Variants in ASIC2 observed in about 807,000 individuals in gnomAD.
ASIC2 encodes acid sensing ion channel subunit 2.
Under a neutral mutation model 57.3 loss-of-function variants are expected in ASIC2, and 25 were observed. That is an observed-to-expected ratio of 0.44 (90% CI 0.32 to 0.61). The LOEUF (loss-of-function observed/expected upper bound fraction) is 0.61. Among genes scored for constraint, ASIC2 ranks in the 20% least tolerant of loss-of-function variants. The pLI is 0.06. For missense variants in ASIC2, 641 were observed against 738.1 expected (o/e 0.87, Z 1.52); for synonymous variants, 319 against 307.5 (o/e 1.04, Z -0.39).
At chr17:33,269,611 T>TTCCC (rs1904364486) in intron 1 of ASIC2, among the ~76,000 whole-genome samples, 2 of 113,194 alleles carry the variant, frequency 1.8e-5, no homozygotes, top group Admixed American at 8.5e-5. Context: ...TAAGGGCTCC[T>TTCCC]TCCCTTCCTT....
chr17:33,431,655 G>A (rs12450004), intron 1 of ASIC2, among the ~76,000 whole-genome samples: 111,362 of 152,042 alleles, frequency 0.73, 41,365 homozygotes, highest in Middle Eastern at 0.79. Flanking sequence ...CCATATTTTA[G>A]AGTATTGCAC....
At chr17:33,698,849 T>C (rs1354092402) in intron 1 of ASIC2, among the ~76,000 whole-genome samples, 1 of 152,078 alleles carries the variant, frequency 6.6e-6, no homozygotes, top group Non-Finnish European at 1.5e-5. Context: ...CCTGGGAGCA[T>C]GGATAGGCAA....
intron 1 of ASIC2, among the ~76,000 whole-genome samples, chr17:33,488,192 G>A (rs1913636152): frequency 6.6e-6 from 1 of 152,150 alleles, no homozygotes; most frequent in African/African-American, 2.4e-5. Context: ...GGCAGTATTA[G>A]AAACGCCGTC....
chr17:33,562,961 T>A (rs796139235), intron 1 of ASIC2, among the ~76,000 whole-genome samples: 3 of 152,282 alleles, frequency 2.0e-5, no homozygotes, highest in African/African-American at 7.2e-5. Context: ...CCACAGCCAG[T>A]TGCAGCTGCT....
intron 1 of ASIC2, among the ~76,000 whole-genome samples, chr17:33,316,772 C>A (rs150522463): frequency 6.6e-6 from 1 of 152,148 alleles, no homozygotes; most frequent in African/African-American, 2.4e-5. Flanking sequence ...CAGCAATTCA[C>A]GGTATAAAAC....
chr17:33,987,363 G>A (rs989426412), intron 1 of ASIC2, among the ~76,000 whole-genome samples: 2 of 152,154 alleles, frequency 1.3e-5, no homozygotes, highest in African/African-American at 2.4e-5. Context: ...TCTGATATAT[G>A]AGAACCCTTT....
intron 1 of ASIC2, among the ~76,000 whole-genome samples, chr17:33,934,237 G>A (rs1028728892): frequency 2.0e-5 from 3 of 152,138 alleles, no homozygotes; most frequent in South Asian, 2.1e-4. Flanking sequence ...TTAGCAATTC[G>A]GGGGCTGATT....
intron 2 of ASIC2, among the ~76,000 whole-genome samples, chr17:33,089,508 C>T (rs564430204): frequency 9.2e-5 from 14 of 152,302 alleles, no homozygotes; most frequent in Admixed American, 2.0e-4. Flanking sequence ...TTTAAGATAA[C>T]GAATTTGTGT....
At chr17:33,394,284 G>A (rs1051937079) in intron 1 of ASIC2, among the ~76,000 whole-genome samples, 1 of 152,150 alleles carries the variant, frequency 6.6e-6, no homozygotes, top group Non-Finnish European at 1.5e-5. Context: ...AGGTGAGAAT[G>A]GTGCCACAGA....
chr17:33,041,791 C>T (rs903599079), intron 3 of ASIC2, among the ~76,000 whole-genome samples: 48 of 152,312 alleles, frequency 3.2e-4, no homozygotes, highest in African/African-American at 1.1e-3. Flanking sequence ...GAGTTCAGGA[C>T]TAGCCGATGG....
chr17:33,870,632 G>C (rs187136632), intron 1 of ASIC2, among the ~76,000 whole-genome samples: 95 of 152,078 alleles, frequency 6.2e-4, no homozygotes, highest in South Asian at 1.5e-3. Flanking sequence ...GTGGGTGTGG[G>C]GAGAAAAGTC....
chr17:34,069,965 T>C (rs1248952285), intron 1 of ASIC2: 1 of 152,148 alleles, frequency 6.6e-6, no homozygotes, highest in Non-Finnish European at 1.5e-5. Flanking sequence ...TCCATGGTGA[T>C]AATCAAAATT....
intron 3 of ASIC2, among the ~76,000 whole-genome samples, chr17:33,058,091 G>A (rs2092005170): frequency 6.6e-6 from 1 of 152,150 alleles, no homozygotes. Context: ...AGCCATGAAA[G>A]TCCCTGTACC....
At chr17:33,660,896 C>T (rs1479991604) in intron 1 of ASIC2, among the ~76,000 whole-genome samples, 2 of 152,204 alleles carry the variant, frequency 1.3e-5, no homozygotes, top group Non-Finnish European at 2.9e-5. Context: ...CTTCTCAGCC[C>T]ACAAGCCCAC....
chr17:34,041,341 A>C (rs1908125364), intron 1 of ASIC2: 1 of 152,200 alleles, frequency 6.6e-6, no homozygotes, highest in South Asian at 2.1e-4. Context: ...AACAGTCTTG[A>C]ATCATGACAA....
At chr17:33,455,200 CTTTTA>C (rs1912406465) in intron 1 of ASIC2, among the ~76,000 whole-genome samples, 1 of 152,068 alleles carries the variant, frequency 6.6e-6, no homozygotes, top group South Asian at 2.1e-4. Context: ...ATTTTTCCAA[CTTTTA>C]TTTTAGACTC....
chr17:33,508,404 G>C (rs1270499307), intron 1 of ASIC2, among the ~76,000 whole-genome samples: 1 of 152,194 alleles, frequency 6.6e-6, no homozygotes, highest in Non-Finnish European at 1.5e-5. Context: ...TGTGTGGGCA[G>C]TGTGACAGCG....
chr17:33,701,094 T>A (rs1389320533), intron 1 of ASIC2, among the ~76,000 whole-genome samples: 1 of 152,120 alleles, frequency 6.6e-6, no homozygotes, highest in Non-Finnish European at 1.5e-5. Context: ...CCCAAAGAGA[T>A]CAGTCTACTC....
At chr17:33,153,602 T>C (rs1904883398) in intron 1 of ASIC2, among the ~76,000 whole-genome samples, 1 of 152,180 alleles carries the variant, frequency 6.6e-6, no homozygotes, top group South Asian at 2.1e-4. Flanking sequence ...TTTTGCAGGG[T>C]TTATGCTTTC....
Sources: allele counts gnomAD v4.1 joint callset (sites outside exome capture counted in the v4.1 genomes callset), GRCh38; gene constraint gnomAD v4.1.1; transcripts MANE v1.5; gene names NCBI Gene and HGNC (gene_info 2026-07-23, HGNC 2026-07-21).